DLX1: variants seen among roughly 807,000 people sequenced by gnomAD.
DLX1 encodes homeobox protein DLX-1.
DLX1 carries 7 observed loss-of-function variants against 25.0 expected under a neutral mutation model. That is an observed-to-expected ratio of 0.28 (90% CI 0.16 to 0.52). The LOEUF is 0.52. Among genes scored for constraint, DLX1 ranks in the 20% least tolerant of loss-of-function variants. The pLI is 0.96. For missense variants in DLX1, 233 were observed against 334.4 expected (o/e 0.70, Z 2.37); for synonymous variants, 155 against 140.3 (o/e 1.10, Z -0.74).
In DLX1 at chr2:172,088,118, C is replaced by T; in HGVS notation, c.629C>T (p.Pro210Leu). The T allele has an allele frequency of 1.3e-5, 21 of 1,608,970 alleles. No homozygotes were observed. The highest frequency in any genetic ancestry group is 1.8e-5 in the Non-Finnish European group (21 of 1,177,480). ...GGTCGGGCCCTGTCTGCTGGCTCCC[C>T]ACCCGTGCCGCCCGGCTGGAACCCT... ...ANGRALSAGS[P>L]PVPPGWNPNS... Residue 210 changes from proline to leucine, a missense_variant, in exon 3 of 3, where the codon CCA becomes CTA. Pro to Leu is a moderately conservative substitution (Grantham distance 98). Transcript: ENST00000361725.
intron 2 of DLX1, 30 bp from the exon 3 acceptor site, chr2:172,087,973 C>G: frequency 6.6e-7 from 1 of 1,506,756 alleles, no homozygotes. Flanking sequence ...GTGGTCCCAG[C>G]CTGAGTCACG....
intron 2 of DLX1, chr2:172,087,263 C>G: frequency 2.6e-6 from 1 of 391,092 alleles, no homozygotes; most frequent in South Asian, 2.0e-5. Flanking sequence ...CCTCCTCCTC[C>G]TTCTTACCGG....
chr2:172,087,181 G>C (rs1330141783), intron 2 of DLX1: 10 of 560,096 alleles, frequency 1.8e-5, no homozygotes, highest in Non-Finnish European at 3.1e-5. Flanking sequence ...TAGACTCCGG[G>C]CTTAATCCCT....
At position 172,085,821 on chromosome 2, in the gene DLX1, G is replaced by A. The variant is rs758101637; in HGVS notation, c.144G>A (p.Ala48=). The A allele has an allele frequency of 1.4e-5, 22 of 1,614,060 alleles. No homozygotes were observed. Among genetic ancestry groups the A allele is most frequent in the Non-Finnish European group, 1.9e-5 (22 of 1,180,048 alleles). The change falls in exon 1 of 3, where the codon GCG becomes GCA. Residue 48 remains alanine, a synonymous_variant. Coordinates refer to ENST00000361725, the MANE Select transcript of DLX1 (RefSeq NM_178120.5). This position sits in a 1 kb window ranked among gnomAD's most constrained non-coding sequence, Gnocchi z 4.3. ...GHYSMHCLHS[A]GHSQPDGAYS... is the part of the protein sequence containing the mutation. ...ACTCCATGCACTGTTTACACTCGGC[G>A]GGCCATTCGCAGCCCGACGGCGCCT...
intron 2 of DLX1, 60 bp from the exon 3 acceptor site, chr2:172,087,943 C>T: frequency 2.0e-6 from 3 of 1,505,332 alleles, no homozygotes; most frequent in East Asian, 2.3e-5. Context: ...TTTTTCCTCC[C>T]TGTGACCTAG....
chr2:172,087,842 G>A (rs1462641178), intron 2 of DLX1, among the ~76,000 whole-genome samples, 161 bp from the exon 3 acceptor site: 1 of 152,244 alleles, frequency 6.6e-6, no homozygotes, highest in Non-Finnish European at 1.5e-5. Context: ...ATGGGGGAAG[G>A]GAGGAAGGAG....
rs1480426711 is a variant in DLX1, at chr2:172,089,643, C to A, written c.*1386C>A. 2 of 152,566 alleles carry A rather than the reference C, an allele frequency of 1.3e-5. No homozygotes were observed. Among genetic ancestry groups the A allele is most frequent in the Non-Finnish European group, 2.9e-5 (2 of 68,040 alleles). The allele number at this position is 152,566 out of a possible 1,614,324, so 9.5% of individuals were successfully genotyped here. A position where few individuals can be genotyped will look rare whatever the true frequency, so the allele number is the denominator to read the frequency against. ...ACTTTGTAAATAAGTTATAAAGTTT[C>A]TTTGAGACAGTAAAATTATGATTTC... is the stretch of plus-strand genomic sequence containing the variant. On this transcript the variant is annotated 3_prime_UTR_variant, in exon 3 of 3. Coordinates refer to ENST00000361725, the MANE Select transcript of DLX1 (RefSeq NM_178120.5).
In DLX1 at chr2:172,085,911, C is replaced by A. The variant is rs750767486; in HGVS notation, c.234C>A (p.His78Gln). Reference sequence around the variant, plus strand: ...CCTACGTCAACTCGGTCAGCAGCCACGCATCCAGCCCCTACATCAGTTCGG... The same window carrying A: ...CCTACGTCAACTCGGTCAGCAGCCAAGCATCCAGCCCCTACATCAGTTCGG... ...GYPYVNSVSS[H>Q]ASSPYISSVQ... The change falls in exon 1 of 3, where the codon CAC becomes CAA. Residue 78 changes from histidine (H) to glutamine (Q), a missense_variant. Physicochemically the swap from His to Gln is conservative, Grantham distance 24. Around this residue, in one of 3 missense-constraint regions of DLX1, gnomAD observed 126 missense variants for 170.4 expected, o/e 0.74. Coordinates refer to ENST00000361725, the MANE Select transcript of DLX1 (RefSeq NM_178120.5). The surrounding 1 kb of genome is among the most constrained non-coding windows in gnomAD (Gnocchi z 4.3). 11 of 1,614,188 alleles carry A rather than the reference C, an allele frequency of 6.8e-6. No individual in the cohort carries two copies. The highest frequency in any genetic ancestry group is 9.3e-6 in the Non-Finnish European group (11 of 1,180,036).
chr2:172,088,011 C>T lies in DLX1; in HGVS notation c.522C>T (p.Ile174=), dbSNP rs574239254. The T allele has an allele frequency of 2.0e-6, 3 of 1,513,992 alleles. No individual in the cohort carries two copies. The East Asian group carries it at 7.1e-5, about 36-fold the overall frequency. 93.8% of individuals were successfully genotyped at this position (1,513,992 alleles called of 1,614,324 possible). Residue 174 remains isoleucine, a synonymous_variant, in exon 3 of 3, where the codon ATC becomes ATT. Coordinates refer to ENST00000361725, the MANE Select transcript of DLX1 (RefSeq NM_178120.5). ...GTTGTCCGCTCTTGCAGGTCAAGATCTGGTTCCAAAACAAGCGATCCAAGT... is the reference window on the plus strand; with the variant it reads ...GTTGTCCGCTCTTGCAGGTCAAGATTTGGTTCCAAAACAAGCGATCCAAGT... The part of the protein sequence containing the change: ...SLGLTQTQVK[I]WFQNKRSKFK...
In DLX1 at chr2:172,085,778, C is replaced by A; in HGVS notation, c.101C>A (p.Pro34His). 1 of 1,614,210 alleles carries A rather than the reference C, an allele frequency of 6.2e-7. No individual in the cohort carries two copies. The highest frequency in any genetic ancestry group is 8.5e-7 in the Non-Finnish European group (1 of 1,180,054). ...CCCAACCAGCAAATGTCTCCTTCTC[C>A]CATGTCCCACGGGCACTACTCCATG... The part of the protein sequence containing the change: ...GPPNQQMSPS[P>H]MSHGHYSMHC... Residue 34 changes from proline (P) to histidine (H), a missense_variant, in exon 1 of 3, where the codon CCC becomes CAC. Coordinates refer to ENST00000361725, the MANE Select transcript of DLX1 (RefSeq NM_178120.5). This position sits in a 1 kb window ranked among gnomAD's most constrained non-coding sequence, Gnocchi z 4.3.
chr2:172,086,269 G>T (rs1690837466), intron 1 of DLX1: 1 of 525,428 alleles, frequency 1.9e-6, no homozygotes, highest in East Asian at 3.1e-5. Flanking sequence ...GCCTCTGGGC[G>T]GCTCGGTGTG....
At position 172,088,350 on chromosome 2, in the gene DLX1, G is replaced by C; in HGVS notation, c.*93G>C. The C allele has an allele frequency of 7.2e-7, 1 of 1,384,726 alleles. No homozygotes were observed. The highest frequency in any genetic ancestry group is 1.8e-5 in the South Asian group (1 of 56,606). The allele number at this position is 1,384,726 out of a possible 1,614,324, so 85.8% of individuals were successfully genotyped here. A position where few individuals can be genotyped will look rare whatever the true frequency, so the allele number is the denominator to read the frequency against. On this transcript the variant is annotated 3_prime_UTR_variant, in exon 3 of 3. Coordinates refer to ENST00000361725, the MANE Select transcript of DLX1 (RefSeq NM_178120.5). The stretch of plus-strand genomic sequence containing the variant: ...CGTCCGGAAAAGAAGGACCCAGAGG[G>C]AAGAAGGAACAGTGGAGGCGGGACG...
At chr2:172,087,979 T>G (rs1335548194) in intron 2 of DLX1, 24 bp from the exon 3 acceptor site, 3 of 1,504,986 alleles carry the variant, frequency 2.0e-6, no homozygotes, top group Non-Finnish European at 8.9e-7. Context: ...CCAGCCTGAG[T>G]CACGTTGTTG....
intron 1 of DLX1, chr2:172,086,369 T>C (rs1690839307): frequency 6.3e-6 from 3 of 478,414 alleles, no homozygotes; most frequent in Admixed American, 3.8e-5. Context: ...CTATAAACAA[T>C]GTATGCAATT....
intron 1 of DLX1, 181 bp downstream of exon 1, chr2:172,086,171 C>G: frequency 1.6e-6 from 1 of 620,182 alleles, no homozygotes; most frequent in Non-Finnish European, 2.7e-6. Context: ...AGATCCTTGT[C>G]ACAGCAAATA....
rs1467203508 is a variant in DLX1, at chr2:172,088,969, C to G, written c.*712C>G. Reference sequence around the variant, plus strand: ...CACGGGGAGAAACGAATAAGGAGGACGTGGTGATTTTTAATTTATACAGTA... The same window carrying G: ...CACGGGGAGAAACGAATAAGGAGGAGGTGGTGATTTTTAATTTATACAGTA... On this transcript the variant is annotated 3_prime_UTR_variant, in exon 3 of 3. Transcript: ENST00000361725. 2.0e-5 allele frequency: 3 copies of G among 152,114 alleles called. No homozygotes were observed. The highest frequency in any genetic ancestry group is 4.4e-5 in the Non-Finnish European group (3 of 68,024). 9.4% of individuals were successfully genotyped at this position (152,114 alleles called of 1,614,324 possible).
intron 2 of DLX1, chr2:172,087,102 C>A (rs1690858327): frequency 2.9e-6 from 2 of 699,248 alleles, no homozygotes; most frequent in Non-Finnish European, 2.7e-6. Flanking sequence ...GATTAGGGCG[C>A]AGGAAGGATT....
At chr2:172,086,528 A>C in intron 1 of DLX1, 126 bp from the exon 2 acceptor site, 1 of 942,520 alleles carries the variant, frequency 1.1e-6, no homozygotes, top group Non-Finnish European at 1.6e-6. Context: ...TGGCTTTCAG[A>C]GTTTCTTGAA....
intron 1 of DLX1, 162 bp from the exon 2 acceptor site, chr2:172,086,492 C>A: frequency 1.5e-6 from 1 of 663,014 alleles, no homozygotes; most frequent in South Asian, 2.2e-5. Context: ...CCGGGACAGG[C>A]CCTCGGATTT....
Sources: gnomAD v4.1 joint callset for allele counts (sites outside exome capture counted in the v4.1 genomes callset) on GRCh38, gnomAD v4.1.1 for gene constraint, gnomAD v4.1.1 regional missense constraint, Gnocchi (gnomAD v3.1) non-coding constraint, MANE v1.5 for transcripts, NCBI Gene and HGNC (gene_info 2026-07-23, HGNC 2026-07-21) for gene names.